SAMHD1: variants seen among roughly 807,000 people sequenced by gnomAD.
SAMHD1 encodes SAM and HD domain containing deoxynucleoside triphosphate triphosphohydrolase 1, also known as deoxynucleoside triphosphate triphosphohydrolase SAMHD1.
Under a neutral mutation model 79.6 loss-of-function variants are expected in SAMHD1, and 54 were observed. That is an observed-to-expected ratio of 0.68 (90% confidence interval 0.55 to 0.85). SAMHD1 has a LOEUF of 0.85. SAMHD1 is among the 40% of genes least tolerant of loss of function. The pLI, the probability that SAMHD1 is intolerant of heterozygous loss-of-function variation, is 0.00. For missense variants in SAMHD1, 663 were observed against 782.7 expected, an observed-to-expected ratio of 0.85 and a Z score of 1.82; for synonymous variants, 260 against 264.1, an observed-to-expected ratio of 0.98 and a Z score of 0.15.
At chr20:36,900,645 C>T (rs1275129145) in intron 13 of SAMHD1, among the ~76,000 whole-genome samples, 1 of 151,760 alleles carries the variant, frequency 6.6e-6, no homozygotes, top group Admixed American at 6.6e-5. Context: ...CGGCTCACTG[C>T]AACCTCTGCC....
chr20:36,905,424 G>T lies in SAMHD1; in HGVS notation c.1350C>A (p.Tyr450Ter). The change falls in exon 12 of 16, where the codon TAC (tyrosine) becomes TAA (stop). Residue 450 changes from tyrosine to a stop codon, truncating the protein, a stop_gained. Transcript: ENST00000646673. LOFTEE classifies it high-confidence loss of function. ...DAREILKQIE[Y>*]RNLFKYVGET... is the part of the protein sequence containing the mutation. ...CACCCACATACTTGAATAGATTACG[G>T]TATTCAATTTGTTTTAAAATCTCTC... 6.2e-7 allele frequency: 1 copy of T among 1,612,926 alleles called. No homozygotes were observed.
rs150658755 is a variant in SAMHD1 at position 36,893,064 on chromosome 20, A to G, written c.1749T>C (p.Asp583=). ...CADRNFTKPQ[D]GDVIAPLITP... ...TTATGAGTGGGGCTATAACATCGCCATCCTATTAGGAAGAGAGAGAAAAAC... is the reference window on the plus strand; with the variant it reads ...TTATGAGTGGGGCTATAACATCGCCGTCCTATTAGGAAGAGAGAGAAAAAC... Residue 583 remains aspartate (D), a splice_region_variant and synonymous_variant, in exon 16 of 16, where the codon GAT becomes GAC. Coordinates refer to ENST00000646673, the MANE Select transcript of SAMHD1 (RefSeq NM_015474.4). The G allele has an allele frequency of 2.5e-6, 4 of 1,613,074 alleles. No individual in the cohort carries two copies. Among genetic ancestry groups the G allele is most frequent in the Non-Finnish European group, 2.5e-6 (3 of 1,180,018 alleles).
At chr20:36,904,094 T>C in intron 13 of SAMHD1, 63 bp downstream of exon 13, 1 of 1,127,328 alleles carries the variant, frequency 8.9e-7, no homozygotes, top group South Asian at 1.2e-5. Context: ...ACTACTTTTA[T>C]AATGGTGGGT....
At position 36,929,953 on chromosome 20, in the gene SAMHD1, C is replaced by T. The variant is rs191035822; in HGVS notation, c.625+807G>A. On this transcript the variant is annotated intron_variant, in intron 5 of 15. Coordinates refer to ENST00000646673, the MANE Select transcript of SAMHD1 (RefSeq NM_015474.4). ...TTGATAAGAAGGACAAGGCCAGGCG[C>T]GGTGGCTTACACCTGTAATCCCAGC... is the stretch of plus-strand genomic sequence containing the variant. Among the ~76,000 whole-genome samples, 290 of 151,856 alleles carry T rather than the reference C, an allele frequency of 1.9e-3. 1 individual carries two copies. The highest frequency in any genetic ancestry group is 6.4e-3 in the African/African-American group (267 of 41,422).
At chr20:36,938,483 T>C (rs1601147332) in intron 3 of SAMHD1, among the ~76,000 whole-genome samples, 1 of 151,392 alleles carries the variant, frequency 6.6e-6, no homozygotes, top group African/African-American at 2.4e-5. Flanking sequence ...GAGGTTGCAG[T>C]GAGCTGAGAT....
intron 14 of SAMHD1, 31 bp from the exon 15 acceptor site, chr20:36,897,990 C>T (rs546243080): frequency 4.3e-6 from 7 of 1,613,350 alleles, no homozygotes; most frequent in Non-Finnish European, 5.9e-6. Flanking sequence ...TCACTATCAC[C>T]TTGAAGTCAC....
rs147419725 is a variant in SAMHD1 at position 36,929,414 on chromosome 20, T to C, written c.625+1346A>G. ...AATAAGTAGGAATAAACTATAAGGA[T>C]AGAGGTAAAAACCCCCATGATTTAA... On this transcript the variant is annotated intron_variant, in intron 5 of 15. Coordinates refer to ENST00000646673, the MANE Select transcript of SAMHD1 (RefSeq NM_015474.4). 1.5e-4 allele frequency among the ~76,000 whole-genome samples: 23 copies of C among 152,158 alleles called. No individual in the cohort carries two copies. In the East Asian group the frequency reaches 4.1e-3, roughly 27 times the overall value.
intron 4 of SAMHD1, among the ~76,000 whole-genome samples, chr20:36,933,148 T>G (rs2063578452): frequency 6.6e-6 from 1 of 152,168 alleles, no homozygotes; most frequent in Non-Finnish European, 1.5e-5. Context: ...TATAGACACA[T>G]GTTGTGCCTA....
intron 15 of SAMHD1, chr20:36,893,717 A>T (rs548284271): frequency 2.5e-6 from 1 of 394,346 alleles, no homozygotes; most frequent in East Asian, 3.6e-5. Context: ...TTACAAGATG[A>T]TGCACGATCT....
intron 4 of SAMHD1, among the ~76,000 whole-genome samples, chr20:36,934,078 G>A (rs1352088715): frequency 2.0e-5 from 3 of 151,654 alleles, no homozygotes; most frequent in East Asian, 3.9e-4. Flanking sequence ...TTACAGGTGT[G>A]AGCCACCACA....
intron 10 of SAMHD1, 154 bp from the exon 11 acceptor site, chr20:36,911,487 T>C (rs941173743): frequency 1.6e-6 from 1 of 637,278 alleles, no homozygotes; most frequent in Non-Finnish European, 2.8e-6. Context: ...AATTTGTGCT[T>C]GGTAAGCTGT....
chr20:36,901,680 G>C (rs1317204940), intron 13 of SAMHD1, among the ~76,000 whole-genome samples: 2 of 151,678 alleles, frequency 1.3e-5, no homozygotes, highest in African/African-American at 4.8e-5. Context: ...AGGTTATAAT[G>C]AGCTGTGATT....
intron 4 of SAMHD1, among the ~76,000 whole-genome samples, chr20:36,933,190 A>G (rs1446024186): frequency 6.6e-6 from 1 of 152,220 alleles, no homozygotes; most frequent in Non-Finnish European, 1.5e-5. Flanking sequence ...ACAGAAAACC[A>G]AAGTAATATA....
At chr20:36,921,662 A>G (rs899330311) in intron 6 of SAMHD1, among the ~76,000 whole-genome samples, 9 of 150,458 alleles carry the variant, frequency 6.0e-5, no homozygotes, top group African/African-American at 1.7e-4. Flanking sequence ...CAGCCTCCCA[A>G]GTAGGCACGT....
In SAMHD1 at chr20:36,932,007, C is replaced by T. The variant is rs576165285; in HGVS notation, c.510-1132G>A. On this transcript the variant is annotated intron_variant, in intron 4 of 15. Transcript: ENST00000646673. ...TAAACAAAAAAAAGAGGGCCGGGTGCGGTGGCTTATGCCTGTAATCCCAGC... is the reference window on the plus strand; with the variant it reads ...TAAACAAAAAAAAGAGGGCCGGGTGTGGTGGCTTATGCCTGTAATCCCAGC... 9.2e-5 allele frequency among the ~76,000 whole-genome samples: 14 copies of T among 151,874 alleles called. No homozygotes were observed. The East Asian group carries it at 1.6e-3, about 17-fold the overall frequency.
At chr20:36,924,425 GA>G (rs371347704) in intron 6 of SAMHD1, among the ~76,000 whole-genome samples, 68 of 149,344 alleles carry the variant, frequency 4.6e-4, no homozygotes, top group Admixed American at 1.3e-3. Flanking sequence ...GGAGAGAAAA[GA>G]AAAAAAAAGA....
At chr20:36,944,903 G>T (rs1032030842) in intron 2 of SAMHD1, among the ~76,000 whole-genome samples, 2 of 152,046 alleles carry the variant, frequency 1.3e-5, no homozygotes, top group Non-Finnish European at 2.9e-5. Flanking sequence ...TCAAAAAAAA[G>T]AAGTATTTAA....
chr20:36,921,647 T>C (rs2146121894), intron 6 of SAMHD1, among the ~76,000 whole-genome samples: 1 of 151,440 alleles, frequency 6.6e-6, no homozygotes, highest in Middle Eastern at 3.4e-3. Context: ...GCAATTCTCC[T>C]TCCTCAGCCT....
intron 15 of SAMHD1, among the ~76,000 whole-genome samples, chr20:36,895,490 TTAA>T (rs1025184685): frequency 9.9e-5 from 15 of 151,998 alleles, no homozygotes; most frequent in Admixed American, 7.2e-4. Context: ...TGGAGAAAAA[TTAA>T]TAATAATTAT....
Sources: gnomAD v4.1 joint callset for allele counts (sites outside exome capture counted in the v4.1 genomes callset) on GRCh38, gnomAD v4.1.1 for gene constraint, MANE v1.5 for transcripts, NCBI Gene and HGNC (gene_info 2026-07-23, HGNC 2026-07-21) for gene names.